Variants in IL23R observed in about 807,000 individuals in gnomAD.
IL23R encodes interleukin 23 receptor.
In IL23R, 34 loss-of-function variants were observed where a neutral mutation model predicts 56.9. The ratio of observed to expected loss-of-function variants is 0.60; its 90% confidence interval spans 0.45 to 0.80. The LOEUF (loss-of-function observed/expected upper bound fraction) is 0.80, where lower values mean the gene tolerates loss of function less well. Among genes scored for constraint, IL23R ranks in the 30% least tolerant of loss-of-function variants. The pLI, the probability that IL23R is intolerant of heterozygous loss-of-function variation, is 0.00. For missense variants in IL23R, 635 were observed against 730.0 expected, an observed-to-expected ratio of 0.87 and a Z score of 1.50; for synonymous variants, 230 against 249.2, an observed-to-expected ratio of 0.92 and a Z score of 0.73.
In IL23R at chr1:67,169,407, A is replaced by G. The variant is rs1646913850; in HGVS notation, c.136A>G (p.Met46Val). 6.2e-7 allele frequency: 1 copy of G among 1,613,292 alleles called. No individual in the cohort carries two copies. Among genetic ancestry groups the G allele is most frequent in the Non-Finnish European group, 8.5e-7 (1 of 1,179,416 alleles). ...ACCAGCCACAATTTTTAAGATGGGT[A>G]TGAATATCTCTATATATTGCCAAGC... ...VEPATIFKMGMNISIYCQAAI... is the reference protein window; with the variant it reads ...VEPATIFKMGVNISIYCQAAI... The change falls in exon 3 of 11, where the codon ATG becomes GTG. Residue 46 changes from methionine (M) to valine (V), a missense_variant. Transcript: ENST00000347310.
intron 9 of IL23R, among the ~76,000 whole-genome samples, chr1:67,253,672 A>C (rs1037321594): frequency 6.6e-6 from 1 of 152,206 alleles, no homozygotes; most frequent in East Asian, 1.9e-4. Flanking sequence ...AAGGCAAACT[A>C]ATACGGAATT....
intron 4 of IL23R, among the ~76,000 whole-genome samples, chr1:67,184,127 A>G (rs1321323935): frequency 1.3e-5 from 2 of 152,046 alleles, no homozygotes; most frequent in South Asian, 2.1e-4. Flanking sequence ...CCAGCTACTC[A>G]GGAGGCTGAA....
At chr1:67,158,847 C>T (rs1646792714) in intron 1 of IL23R, among the ~76,000 whole-genome samples, 1 of 151,012 alleles carries the variant, frequency 6.6e-6, no homozygotes, top group Non-Finnish European at 1.5e-5. Context: ...CCTTGGTGTT[C>T]TCCTGATAGT....
intron 4 of IL23R, among the ~76,000 whole-genome samples, chr1:67,186,416 C>A (rs913009451): frequency 1.3e-5 from 2 of 151,926 alleles, no homozygotes; most frequent in African/African-American, 4.8e-5. Context: ...GTTTTAGCAC[C>A]CATCACTACA....
At chr1:67,229,665 C>T (rs1008985306) in intron 7 of IL23R, among the ~76,000 whole-genome samples, 2 of 152,154 alleles carry the variant, frequency 1.3e-5, no homozygotes, top group Admixed American at 6.5e-5. Context: ...CTAGTCAGCT[C>T]GTTAGCATAC....
rs748585783 is a variant in IL23R, at chr1:67,219,697, A to C, written c.922A>C (p.Ser308Arg). The C allele has an allele frequency of 1.2e-6, 2 of 1,614,020 alleles. No homozygotes were observed. Among genetic ancestry groups the C allele is most frequent in the South Asian group, 1.1e-5 (1 of 91,078 alleles). ...AGGCAAAAGGTACTGGCAGCCTTGG[A>C]GTTCACTGTTTTTTCATAAAACACC... ...ETGKRYWQPWSSLFFHKTPET... is the reference protein window; with the variant it reads ...ETGKRYWQPWRSLFFHKTPET... The change falls in exon 7 of 11, where the codon AGT (serine) becomes CGT (arginine). Residue 308 changes from serine (S) to arginine (R), a missense_variant. Transcript: ENST00000347310.
chr1:67,223,490 C>T (rs1370213236), intron 7 of IL23R, among the ~76,000 whole-genome samples: 1 of 152,140 alleles, frequency 6.6e-6, no homozygotes, highest in Middle Eastern at 3.2e-3. Flanking sequence ...TTCTAAGACA[C>T]ATTACATGAG....
chr1:67,197,212 G>A (rs924973532), intron 4 of IL23R, among the ~76,000 whole-genome samples: 10 of 152,154 alleles, frequency 6.6e-5, no homozygotes, highest in African/African-American at 2.4e-4. Flanking sequence ...GACAGGCTTT[G>A]GGTAGCAAGG....
chr1:67,152,843 G>A (rs930403393), intron 1 of IL23R, among the ~76,000 whole-genome samples: 5 of 152,090 alleles, frequency 3.3e-5, no homozygotes, highest in Non-Finnish European at 5.9e-5. Flanking sequence ...TCCTGGATTC[G>A]GTTTGCCAGT....
intron 6 of IL23R, among the ~76,000 whole-genome samples, chr1:67,214,457 A>G (rs1234229676): frequency 1.3e-5 from 2 of 152,236 alleles, no homozygotes; most frequent in African/African-American, 4.8e-5. Context: ...TATGAAGACC[A>G]TATGAGATAA....
chr1:67,211,600 G>T (rs2102646764), intron 6 of IL23R, among the ~76,000 whole-genome samples: 1 of 151,696 alleles, frequency 6.6e-6, no homozygotes, highest in African/African-American at 2.4e-5. Context: ...TCCAGCCTGG[G>T]TGACAGAGTG....
chr1:67,153,818 T>C (rs1312156780), intron 1 of IL23R, among the ~76,000 whole-genome samples: 1 of 152,010 alleles, frequency 6.6e-6, no homozygotes, highest in Non-Finnish European at 1.5e-5. Flanking sequence ...CAGGCTGGAG[T>C]GCAGTGGCGC....
At chr1:67,199,168 AG>A (rs1178193201) in intron 4 of IL23R, among the ~76,000 whole-genome samples, 5 of 152,176 alleles carry the variant, frequency 3.3e-5, no homozygotes, top group Non-Finnish European at 7.3e-5. Context: ...ATCCATCAGT[AG>A]CTCATGGAAG....
intron 8 of IL23R, among the ~76,000 whole-genome samples, chr1:67,238,271 A>G (rs1402844971): frequency 6.6e-6 from 1 of 150,918 alleles, no homozygotes; most frequent in Non-Finnish European, 1.5e-5. Flanking sequence ...TCAACTGAGC[A>G]CCAGAGATAG....
intron 1 of IL23R, among the ~76,000 whole-genome samples, chr1:67,143,295 C>T (rs535728805): frequency 1.3e-5 from 2 of 152,188 alleles, no homozygotes; most frequent in Admixed American, 1.3e-4. Flanking sequence ...GAATTGATAA[C>T]GAATATATAA....
At chr1:67,202,885 A>G (rs1160379888) in intron 5 of IL23R, among the ~76,000 whole-genome samples, 1 of 152,142 alleles carries the variant, frequency 6.6e-6, no homozygotes, top group Non-Finnish European at 1.5e-5. Flanking sequence ...TGAATATTAG[A>G]TTTGAAAACA....
chr1:67,211,304 T>A (rs1649453035), intron 6 of IL23R, among the ~76,000 whole-genome samples: 1 of 152,206 alleles, frequency 6.6e-6, no homozygotes, highest in African/African-American at 2.4e-5. Flanking sequence ...AGTATCACAG[T>A]CATAGAATGA....
intron 4 of IL23R, among the ~76,000 whole-genome samples, chr1:67,199,751 G>A (rs2102620289): frequency 6.6e-6 from 1 of 151,990 alleles, no homozygotes; most frequent in East Asian, 1.9e-4. Context: ...AGGCAGAAGT[G>A]TTCAGGGCCC....
In IL23R at chr1:67,259,680, T is replaced by C. The variant is rs1345744002; in HGVS notation, c.*552T>C. The C allele has an allele frequency of 6.3e-6, 1 of 159,684 alleles. No individual in the cohort carries two copies. The highest frequency in any genetic ancestry group is 2.4e-5 in the African/African-American group (1 of 41,432). The allele number at this position is 159,684 out of a possible 1,614,324, so 9.9% of individuals were successfully genotyped here. On this transcript the variant is annotated 3_prime_UTR_variant, in exon 11 of 11. Coordinates refer to ENST00000347310, the MANE Select transcript of IL23R (RefSeq NM_144701.3). ...AAATTTTCCTTTAAAATAGAATCAT[T>C]AGGCCAGGCGTGGTGGCTCATGCTT...
Sources: gnomAD v4.1 joint callset for allele counts (sites outside exome capture counted in the v4.1 genomes callset) on GRCh38, gnomAD v4.1.1 for gene constraint, MANE v1.5 for transcripts, NCBI Gene and HGNC (gene_info 2026-07-23, HGNC 2026-07-21) for gene names.